GPT2: variants seen among roughly 807,000 people sequenced by gnomAD.
GPT2 encodes glutamic--pyruvic transaminase 2.
A neutral mutation model predicts 56.9 loss-of-function variants in GPT2; 30 were observed. The observed-to-expected ratio is 0.53, with a 90% CI of 0.39 to 0.72. GPT2 has a LOEUF of 0.72. GPT2 is among the 30% of genes least tolerant of loss of function. GPT2 has a pLI of 0.00. For synonymous variants in GPT2, 271 were observed against 283.1 expected (o/e 0.96, Z 0.43); for missense variants, 542 against 703.4 (o/e 0.77, Z 2.60).
At chr16:46,888,920 G>A (rs891617203) in intron 2 of GPT2, among the ~76,000 whole-genome samples, 5 of 152,056 alleles carry the variant, frequency 3.3e-5, no homozygotes, top group African/African-American at 7.2e-5. Flanking sequence ...AAAGTGCTGG[G>A]TGGGTAGGTA....
At position 46,929,086 on chromosome 16, in the gene GPT2, CG is replaced by C. The variant is rs1567345804; in HGVS notation, c.*92del. On this transcript the variant is annotated 3_prime_UTR_variant, in exon 12 of 12. Coordinates refer to ENST00000340124, the MANE Select transcript of GPT2 (RefSeq NM_133443.4). ...ACTCGCCTCCCCCGTGACTCTGCCT[CG>C]GGCCTCGCAGAGGCCGCTGGTCACT... 9.8e-7 allele frequency: 1 copy of C among 1,022,022 alleles called. No individual in the cohort carries two copies. The highest frequency in any genetic ancestry group is 1.6e-5 in the African/African-American group (1 of 63,392). The allele number at this position is 1,022,022 out of a possible 1,614,324, so 63.3% of individuals were successfully genotyped here.
At chr16:46,912,611 G>T (rs1258824870) in intron 6 of GPT2, among the ~76,000 whole-genome samples, 2 of 152,214 alleles carry the variant, frequency 1.3e-5, no homozygotes, top group Admixed American at 6.5e-5. Context: ...GGCTTGATTG[G>T]TTCACAGTTC....
At chr16:46,906,427 A>G (rs1960927149) in intron 4 of GPT2, among the ~76,000 whole-genome samples, 1 of 152,222 alleles carries the variant, frequency 6.6e-6, no homozygotes, top group African/African-American at 2.4e-5. Context: ...TGTGTAGGCA[A>G]CCATGGTAAA....
chr16:46,885,244 C>G (rs1335156937), intron 2 of GPT2: 5 of 1,189,370 alleles, frequency 4.2e-6, no homozygotes, highest in South Asian at 7.8e-5. Flanking sequence ...CTGCCCTACT[C>G]TCGTGGAACC....
intron 3 of GPT2, among the ~76,000 whole-genome samples, chr16:46,898,998 CATATATATATATATAT>C (rs61197632): frequency 1.4e-4 from 18 of 124,438 alleles, no homozygotes; most frequent in Non-Finnish European, 2.2e-4. Flanking sequence ...ATATAACACA[CATATATATATATATAT>C]ATATATATAT....
intron 2 of GPT2, among the ~76,000 whole-genome samples, chr16:46,887,987 A>C (rs1178229457): frequency 1.3e-5 from 2 of 152,212 alleles, no homozygotes; most frequent in Non-Finnish European, 2.9e-5. Flanking sequence ...CCTGGTGTTC[A>C]CTGCGAGCAG....
At chr16:46,907,163 G>A (rs1329761172) in intron 5 of GPT2, among the ~76,000 whole-genome samples, 188 bp downstream of exon 5, 1 of 152,202 alleles carries the variant, frequency 6.6e-6, no homozygotes, top group Non-Finnish European at 1.5e-5. Context: ...AGACACTACT[G>A]CAGCCTCGAT....
At chr16:46,887,886 C>A (rs987719683) in intron 2 of GPT2, among the ~76,000 whole-genome samples, 1 of 152,194 alleles carries the variant, frequency 6.6e-6, no homozygotes, top group African/African-American at 2.4e-5. Flanking sequence ...AGGGGCCATT[C>A]TCCTGCAGCC....
intron 6 of GPT2, among the ~76,000 whole-genome samples, chr16:46,911,426 C>A (rs182774593): frequency 6.6e-6 from 1 of 152,168 alleles, no homozygotes; most frequent in Non-Finnish European, 1.5e-5. Context: ...CTTGAATTCC[C>A]GAGTGCAGAA....
At chr16:46,908,192 G>A (rs1327116440) in intron 5 of GPT2, among the ~76,000 whole-genome samples, 2 of 150,996 alleles carry the variant, frequency 1.3e-5, no homozygotes, top group South Asian at 4.2e-4. Flanking sequence ...GGTGGAGCCT[G>A]CAGTCCTGGG....
intron 2 of GPT2, among the ~76,000 whole-genome samples, chr16:46,890,956 C>CTCTG (rs893345897): frequency 6.6e-6 from 1 of 151,822 alleles, no homozygotes; most frequent in Non-Finnish European, 1.5e-5. Context: ...TCACCCCAAC[C>CTCTG]TCTGCTTCCC....
chr16:46,895,751 T>C (rs1960674080), intron 2 of GPT2, among the ~76,000 whole-genome samples: 1 of 152,212 alleles, frequency 6.6e-6, no homozygotes, highest in African/African-American at 2.4e-5. Flanking sequence ...CAGGCTGTTG[T>C]TGAACTCCTG....
intron 8 of GPT2, 80 bp downstream of exon 8, chr16:46,918,837 G>A: frequency 6.5e-7 from 1 of 1,547,154 alleles, no homozygotes; most frequent in Middle Eastern, 1.7e-4. Flanking sequence ...CTGCCCCGTG[G>A]TCCACCCACT....
chr16:46,906,151 G>A (rs191324374), intron 4 of GPT2, among the ~76,000 whole-genome samples: 5 of 152,100 alleles, frequency 3.3e-5, no homozygotes, highest in Admixed American at 6.5e-5. Flanking sequence ...ATAGCTCACC[G>A]CAGCCTCTAC....
chr16:46,899,225 G>C (rs968847949), intron 3 of GPT2, among the ~76,000 whole-genome samples: 6 of 151,058 alleles, frequency 4.0e-5, no homozygotes, highest in Non-Finnish European at 7.4e-5. Flanking sequence ...GTAGAGACAG[G>C]GTCTTGCTGT....
At chr16:46,907,681 G>C (rs1254001067) in intron 5 of GPT2, among the ~76,000 whole-genome samples, 1 of 152,238 alleles carries the variant, frequency 6.6e-6, no homozygotes, top group Non-Finnish European at 1.5e-5. Context: ...GCTGGCACCA[G>C]TACAGGGCCT....
At chr16:46,917,241 G>A (rs1567341556) in intron 7 of GPT2, among the ~76,000 whole-genome samples, 1 of 152,168 alleles carries the variant, frequency 6.6e-6, no homozygotes, top group Non-Finnish European at 1.5e-5. Flanking sequence ...GCCAGGCCCA[G>A]AGCATAGGGT....
chr16:46,904,918 T>A (rs542921366), intron 4 of GPT2, among the ~76,000 whole-genome samples: 2 of 152,304 alleles, frequency 1.3e-5, no homozygotes, highest in South Asian at 4.1e-4. Flanking sequence ...CAGAAGCCCA[T>A]GCCCACCACC....
chr16:46,888,247 G>A (rs958066637), intron 2 of GPT2, among the ~76,000 whole-genome samples: 1 of 152,262 alleles, frequency 6.6e-6, no homozygotes, highest in Non-Finnish European at 1.5e-5. Context: ...AGGGTGCTAA[G>A]GCACATGGCT....
Sources: gnomAD v4.1 joint callset for allele counts (sites outside exome capture counted in the v4.1 genomes callset) on GRCh38, gnomAD v4.1.1 for gene constraint, MANE v1.5 for transcripts, NCBI Gene and HGNC (gene_info 2026-07-23, HGNC 2026-07-21) for gene names.